UTP23: variants seen among roughly 807,000 people sequenced by gnomAD.
UTP23 encodes the protein rRNA-processing protein UTP23 homolog.
A neutral mutation model predicts 19.8 loss-of-function variants in UTP23; 10 were observed. That is an observed-to-expected ratio of 0.50 (90% CI 0.31 to 0.86). The LOEUF is 0.86. UTP23 is among the 40% of genes least tolerant of loss of function. The pLI, the probability that UTP23 is intolerant of heterozygous loss-of-function variation, is 0.05. For missense variants in UTP23, 282 were observed against 293.1 expected (o/e 0.96, Z 0.28); for synonymous variants, 108 against 105.4 (o/e 1.02, Z -0.15).
intron 1 of UTP23, among the ~76,000 whole-genome samples, chr8:116,768,462 A>G (rs1586504735): frequency 6.6e-6 from 1 of 152,372 alleles, no homozygotes; most frequent in East Asian, 1.9e-4. Context: ...GAATAATATA[A>G]TGAAACCTCT....
In UTP23 at chr8:116,770,217, T is replaced by C. The variant is rs1392641908; in HGVS notation, c.214T>C (p.Leu72=). 6.2e-7 allele frequency: 1 copy of C among 1,611,716 alleles called. No homozygotes were observed. The highest frequency in any genetic ancestry group is 1.3e-5 in the African/African-American group (1 of 75,030). ...ATGTGTGTTAAAAGAGCTAGAAACA[T>C]TGGGAAAGGACTTATATGGGGCAAA... ...TRCVLKELET[L]GKDLYGAKLI... is the part of the protein sequence containing the mutation. Residue 72 remains leucine (L), a synonymous_variant, in exon 2 of 3, where the codon TTG becomes CTG. Coordinates refer to ENST00000309822, the MANE Select transcript of UTP23 (RefSeq NM_032334.3).
At chr8:116,768,630 T>G (rs2131022833) in intron 1 of UTP23, among the ~76,000 whole-genome samples, 1 of 152,356 alleles carries the variant, frequency 6.6e-6, no homozygotes, top group South Asian at 2.1e-4. Flanking sequence ...ACTAAATACA[T>G]ATATTACATT....
intron 1 of UTP23, among the ~76,000 whole-genome samples, chr8:116,769,313 C>T (rs769733620): frequency 2.6e-4 from 39 of 152,040 alleles, no homozygotes; most frequent in Non-Finnish European, 5.1e-4. Flanking sequence ...CAAGGGTTCT[C>T]CAAAGAAACG....
rs928592707 is a variant in UTP23, at chr8:116,773,079, C to A, written c.*1237C>A. On this transcript the variant is annotated 3_prime_UTR_variant, in exon 3 of 3. Coordinates refer to ENST00000309822, the MANE Select transcript of UTP23 (RefSeq NM_032334.3). ...TTCTCATTTGAATTCAGAGATACTT[C>A]TTTGCTGGAAGTTGGAATTATAGCT... 1 of 985,184 alleles carries A rather than the reference C, an allele frequency of 1.0e-6. No individual in the cohort carries two copies. The highest frequency in any genetic ancestry group is 1.7e-5 in the African/African-American group (1 of 57,206). The allele number at this position is 985,184 out of a possible 1,614,324, so 61.0% of individuals were successfully genotyped here.
rs1815682666 is a variant in UTP23 at position 116,773,249 on chromosome 8, G to A, written c.*1407G>A. On this transcript the variant is annotated 3_prime_UTR_variant, in exon 3 of 3. Coordinates refer to ENST00000309822, the MANE Select transcript of UTP23 (RefSeq NM_032334.3). ...ATACTGGAAAAAAGTGAATAGTGTA[G>A]GTTTTGTGAGGAAAGTTAACATTTG... 1 of 985,198 alleles carries A rather than the reference G, an allele frequency of 1.0e-6. No individual in the cohort carries two copies. Among genetic ancestry groups the A allele is most frequent in the Non-Finnish European group, 1.2e-6 (1 of 829,930 alleles). The allele number at this position is 985,198 out of a possible 1,614,324, so 61.0% of individuals were successfully genotyped here.
intron 1 of UTP23, among the ~76,000 whole-genome samples, chr8:116,768,118 C>T (rs987427395): frequency 6.6e-6 from 1 of 152,144 alleles, no homozygotes; most frequent in Non-Finnish European, 1.5e-5. Flanking sequence ...GTCTCCTTTT[C>T]CTCACATACG....
intron 1 of UTP23, among the ~76,000 whole-genome samples, chr8:116,768,511 G>A (rs965381645): frequency 2.0e-5 from 3 of 152,058 alleles, no homozygotes; most frequent in African/African-American, 7.2e-5. Context: ...CAATCTTGTT[G>A]AATCCCTCAC....
intron 1 of UTP23, among the ~76,000 whole-genome samples, chr8:116,768,351 A>G (rs1196058612): frequency 1.3e-5 from 2 of 152,220 alleles, no homozygotes; most frequent in African/African-American, 4.8e-5. Flanking sequence ...TAGTGCTATG[A>G]TATTAAAAAG....
In UTP23 at chr8:116,771,631, A is replaced by C. The variant is rs762517983; in HGVS notation, c.539A>C (p.Glu180Ala). Residue 180 changes from glutamate to alanine, a missense_variant, in exon 3 of 3, where the codon GAG (glutamate) becomes GCG (alanine). By Grantham distance (107) the Glu-to-Ala change is moderately radical (BLOSUM62 -1). Coordinates refer to ENST00000309822, the MANE Select transcript of UTP23 (RefSeq NM_032334.3). The stretch of plus-strand genomic sequence containing the variant: ...AAAGAAAGTATCAAACATCTCAAAG[A>C]GGAACAGGGTTTAGTGAAAAACACT... ...HEKESIKHLK[E>A]EQGLVKNTEQ... 6.2e-7 allele frequency: 1 copy of C among 1,611,608 alleles called. No individual in the cohort carries two copies. Among genetic ancestry groups the C allele is most frequent in the Non-Finnish European group, 8.5e-7 (1 of 1,179,446 alleles).
At position 116,773,448 on chromosome 8, in the gene UTP23, G is replaced by A. The variant is rs1321116590; in HGVS notation, c.*1606G>A. Reference sequence around the variant, plus strand: ...ACCTGTTAATAGCATCTGAACTGGAGAGCTGGAAAAATCCACTTTTTTATG... The same window carrying A: ...ACCTGTTAATAGCATCTGAACTGGAAAGCTGGAAAAATCCACTTTTTTATG... On this transcript the variant is annotated 3_prime_UTR_variant, in exon 3 of 3. Coordinates refer to ENST00000309822, the MANE Select transcript of UTP23 (RefSeq NM_032334.3). 2 of 982,754 alleles carry A rather than the reference G, an allele frequency of 2.0e-6. No homozygotes were observed. The highest frequency in any genetic ancestry group is 4.7e-5 in the South Asian group (1 of 21,238). 60.9% of individuals were successfully genotyped at this position (982,754 alleles called of 1,614,324 possible).
In UTP23 at chr8:116,766,690, G is replaced by C. The variant is rs1223175235; in HGVS notation, c.87G>C (p.Leu29=). 2 of 1,613,676 alleles carry C rather than the reference G, an allele frequency of 1.2e-6. No homozygotes were observed. Among genetic ancestry groups the C allele is most frequent in the Non-Finnish European group, 1.7e-6 (2 of 1,179,838 alleles). ...NFGVREPYQI[L]LDGTFCQAAL... is the part of the protein sequence containing the mutation. ...GAGTCCGCGAGCCGTACCAGATCCT[G>C]CTGGACGGCACCTTCTGTCAGGCGG... is the stretch of plus-strand genomic sequence containing the variant. Residue 29 remains leucine, a synonymous_variant, in exon 1 of 3, where the codon CTG becomes CTC. Transcript: ENST00000309822.
Position 116,772,800 on chromosome 8 carries a change from CGT to C in UTP23, c.*961_*962del. Reference sequence around the variant, plus strand: ...TTCAGTTAGGAATTGAATAATGAAACGTGTCTCTCTGAATTCCCCCGGCAATT... The same window carrying C: ...TTCAGTTAGGAATTGAATAATGAAACGTCTCTCTGAATTCCCCCGGCAATT... On this transcript the variant is annotated 3_prime_UTR_variant, in exon 3 of 3. Transcript: ENST00000309822. 4 of 985,368 alleles carry C rather than the reference CGT, an allele frequency of 4.1e-6. No individual in the cohort carries two copies. Among genetic ancestry groups the C allele is most frequent in the Non-Finnish European group, 4.8e-6 (4 of 829,908 alleles). 61.0% of individuals were successfully genotyped at this position (985,368 alleles called of 1,614,324 possible).
intron 1 of UTP23, 84 bp downstream of exon 1, chr8:116,766,875 C>A (rs978601525): frequency 3.4e-5 from 46 of 1,335,502 alleles, no homozygotes; most frequent in Non-Finnish European, 4.1e-5. Flanking sequence ...ACCTTCATTG[C>A]GAGCTCAGGA....
rs1344284768 is a variant in UTP23, at chr8:116,774,536, T to C, written c.*2694T>C. The C allele has an allele frequency of 1.5e-6, 1 of 678,456 alleles. No homozygotes were observed. Among genetic ancestry groups the C allele is most frequent in the Non-Finnish European group, 1.8e-6 (1 of 550,598 alleles). The allele number at this position is 678,456 out of a possible 1,614,324, so 42.0% of individuals were successfully genotyped here. On this transcript the variant is annotated 3_prime_UTR_variant, in exon 3 of 3. Transcript: ENST00000309822. ...ATTAGTTTTATATCTCCAAGATATA[T>C]ATATGTATATAGGTATATACACATA...
chr8:116,768,562 C>T (rs1815613916), intron 1 of UTP23, among the ~76,000 whole-genome samples: 1 of 152,170 alleles, frequency 6.6e-6, no homozygotes, highest in South Asian at 2.1e-4. Context: ...TATTATTTAT[C>T]ACTTCTTTGG....
chr8:116,770,135 G>A (rs1418097812), intron 1 of UTP23, 57 bp from the exon 2 acceptor site: 2 of 1,425,056 alleles, frequency 1.4e-6, no homozygotes, highest in East Asian at 4.7e-5. Context: ...ATCGACTATT[G>A]TTTTTTACAC....
At position 116,771,461 on chromosome 8, in the gene UTP23, G is replaced by C; in HGVS notation, c.369G>C (p.Gln123His). ...PHHYFVATQD[Q>H]NLSVKVKKKP... ...TTCTGTTTTCTTTTAAATAGGATCA[G>C]AATTTGTCTGTGAAAGTAAAAAAGA... The change falls in exon 3 of 3, where the codon CAG becomes CAC. Residue 123 changes from glutamine to histidine, a missense_variant. Physicochemically the swap from Gln to His is conservative, Grantham distance 24 (BLOSUM62 0). Coordinates refer to ENST00000309822, the MANE Select transcript of UTP23 (RefSeq NM_032334.3). 1 of 1,482,508 alleles carries C rather than the reference G, an allele frequency of 6.7e-7. No individual in the cohort carries two copies. The highest frequency in any genetic ancestry group is 8.9e-7 in the Non-Finnish European group (1 of 1,118,464). 91.8% of individuals were successfully genotyped at this position (1,482,508 alleles called of 1,614,324 possible).
intron 1 of UTP23, among the ~76,000 whole-genome samples, chr8:116,768,449 G>A (rs758152085): frequency 1.1e-4 from 16 of 152,120 alleles, no homozygotes; most frequent in Non-Finnish European, 2.1e-4. Context: ...CAACTCAAAG[G>A]TAGAATAATA....
At chr8:116,769,144 C>T (rs1455230426) in intron 1 of UTP23, among the ~76,000 whole-genome samples, 1 of 152,088 alleles carries the variant, frequency 6.6e-6, no homozygotes, top group Non-Finnish European at 1.5e-5. Context: ...AGTAGAACAG[C>T]AGAATGTTAT....
Sources: gnomAD v4.1 joint callset for allele counts (sites outside exome capture counted in the v4.1 genomes callset) on GRCh38, gnomAD v4.1.1 for gene constraint, MANE v1.5 for transcripts, NCBI Gene and HGNC (gene_info 2026-07-23, HGNC 2026-07-21) for gene names.